Variants in ZEB1 observed in about 807,000 individuals in gnomAD.
ZEB1 encodes the protein zinc finger E-box-binding homeobox 1.
In ZEB1, 21 loss-of-function variants were observed where a neutral mutation model predicts 84.9. The ratio of observed to expected loss-of-function variants is 0.25; its 90% CI spans 0.18 to 0.36. The LOEUF is 0.36. Among genes scored for constraint, ZEB1 ranks in the 10% least tolerant of loss-of-function variants. ZEB1 has a pLI of 1.00. For missense variants in ZEB1, 1,104 were observed against 1,330.2 expected (o/e 0.83, Z 2.65); for synonymous variants, 420 against 471.1 (o/e 0.89, Z 1.41).
At chr10:31,491,724 A>G (rs1335122793) in intron 2 of ZEB1, among the ~76,000 whole-genome samples, 1 of 151,928 alleles carries the variant, frequency 6.6e-6, no homozygotes, top group Non-Finnish European at 1.5e-5. Context: ...TCAGTAGCAG[A>G]CATAAACAGT....
rs556309413 is a variant in ZEB1 at position 31,411,366 on chromosome 10, T to TCA, written c.59-49669_59-49668dup. On this transcript the variant is annotated intron_variant, in intron 1 of 8. Transcript: ENST00000424869. ...ATCTCTGGGACACAGTTAAAGCAGC[T>TCA]CACGCCTGTAATCCCAGCACTTTGG... 9.2e-5 allele frequency among the ~76,000 whole-genome samples: 14 copies of TCA among 152,236 alleles called. No individual in the cohort carries two copies. In the South Asian group the frequency reaches 2.9e-3, roughly 32 times the overall value.
intron 1 of ZEB1, among the ~76,000 whole-genome samples, chr10:31,442,465 A>G (rs1394928895): frequency 3.3e-5 from 5 of 152,136 alleles, no homozygotes; most frequent in Non-Finnish European, 5.9e-5. Flanking sequence ...GTAAATGACA[A>G]GTTAATGGGT....
At chr10:31,375,393 T>A (rs575768289) in intron 1 of ZEB1, among the ~76,000 whole-genome samples, 2 of 151,956 alleles carry the variant, frequency 1.3e-5, no homozygotes, top group East Asian at 3.9e-4. Flanking sequence ...TTCATTTTTC[T>A]TTGACAGCTC....
intron 2 of ZEB1, among the ~76,000 whole-genome samples, chr10:31,487,702 A>C (rs2065925293): frequency 6.6e-6 from 1 of 151,376 alleles, no homozygotes; most frequent in Admixed American, 6.6e-5. Context: ...GCTTTTTCTT[A>C]ATCTTGAGAA....
chr10:31,419,266 A>G (rs921301247), intron 1 of ZEB1, among the ~76,000 whole-genome samples: 1 of 152,144 alleles, frequency 6.6e-6, no homozygotes, highest in Non-Finnish European at 1.5e-5. Context: ...AGGCTGTAAC[A>G]TGCATGAATG....
At chr10:31,494,414 A>G (rs868069851) in intron 2 of ZEB1, among the ~76,000 whole-genome samples, 1 of 152,066 alleles carries the variant, frequency 6.6e-6, no homozygotes. Context: ...ATCTTCATGT[A>G]CTAGTATGAA....
chr10:31,413,006 C>T (rs1164976273), intron 1 of ZEB1, among the ~76,000 whole-genome samples: 1 of 152,022 alleles, frequency 6.6e-6, no homozygotes, highest in Non-Finnish European at 1.5e-5. Flanking sequence ...TTTTAAATGC[C>T]ATAGAATCGA....
intron 6 of ZEB1, among the ~76,000 whole-genome samples, chr10:31,517,500 TAA>T (rs56957641): frequency 1.6e-4 from 23 of 140,820 alleles, no homozygotes; most frequent in African/African-American, 3.3e-4. Flanking sequence ...CCTTAGCCAT[TAA>T]AAAAAAAAAA....
intron 1 of ZEB1, among the ~76,000 whole-genome samples, chr10:31,393,636 T>C (rs2050188778): frequency 6.6e-6 from 1 of 152,176 alleles, no homozygotes; most frequent in Non-Finnish European, 1.5e-5. Context: ...GTTCCTGGTT[T>C]TCGTGACATT....
chr10:31,481,269 A>G (rs549591154), intron 2 of ZEB1, among the ~76,000 whole-genome samples: 6 of 152,214 alleles, frequency 3.9e-5, no homozygotes, highest in Admixed American at 3.3e-4. Context: ...ACAGATAAAT[A>G]TGAAAATATA....
At chr10:31,440,566 G>T (rs902110040) in intron 1 of ZEB1, among the ~76,000 whole-genome samples, 10 of 152,134 alleles carry the variant, frequency 6.6e-5, no homozygotes, top group Non-Finnish European at 1.0e-4. Flanking sequence ...GGACAATCAG[G>T]CAGGAGAAGG....
chr10:31,334,026 T>C (rs1475619699), intron 1 of ZEB1, among the ~76,000 whole-genome samples: 1 of 152,042 alleles, frequency 6.6e-6, no homozygotes, highest in African/African-American at 2.4e-5. Flanking sequence ...TAATACACTT[T>C]CAAAATACAT....
chr10:31,376,020 TTA>T (rs1464055467), intron 1 of ZEB1, among the ~76,000 whole-genome samples: 9 of 151,712 alleles, frequency 5.9e-5, no homozygotes, highest in Non-Finnish European at 1.2e-4. Context: ...ATGTAAAACT[TTA>T]TGTGCAATAG....
chr10:31,395,948 G>T (rs2050636413), intron 1 of ZEB1, among the ~76,000 whole-genome samples: 1 of 152,142 alleles, frequency 6.6e-6, no homozygotes, highest in Non-Finnish European at 1.5e-5. Context: ...TGTCCATGGG[G>T]TGGAGAGGAA....
At chr10:31,342,925 T>C (rs897907957) in intron 1 of ZEB1, among the ~76,000 whole-genome samples, 1 of 152,186 alleles carries the variant, frequency 6.6e-6, no homozygotes, top group Non-Finnish European at 1.5e-5. Context: ...CAAGAAAAGC[T>C]ACCTCCTCCT....
At chr10:31,473,922 T>C (rs1176494919) in intron 2 of ZEB1, among the ~76,000 whole-genome samples, 2 of 151,782 alleles carry the variant, frequency 1.3e-5, no homozygotes, top group Non-Finnish European at 2.9e-5. Flanking sequence ...TACAACTATC[T>C]GATCTTTGAC....
chr10:31,526,985 GGAT>G lies in ZEB1; in HGVS notation c.3102_3104del (p.Asp1034del), dbSNP rs1565238270. Reference sequence around the variant, plus strand: ...AGAGAGAGAGTTTGACAAGGGAAGAGGATGAAGACAGTGAAAAAGAGGAAGAGG... The same window carrying G: ...AGAGAGAGAGTTTGACAAGGGAAGAGGAAGACAGTGAAAAAGAGGAAGAGG... On this transcript the variant is annotated inframe_deletion, in exon 9 of 9. Coordinates refer to ENST00000424869, the MANE Select transcript of ZEB1 (RefSeq NM_001174096.2). The G allele has an allele frequency of 6.2e-7, 1 of 1,611,934 alleles. No individual in the cohort carries two copies. The highest frequency in any genetic ancestry group is 8.5e-7 in the Non-Finnish European group (1 of 1,178,912).
At chr10:31,446,329 G>C (rs1197864251) in intron 1 of ZEB1, among the ~76,000 whole-genome samples, 2 of 152,008 alleles carry the variant, frequency 1.3e-5, no homozygotes, top group African/African-American at 4.8e-5. Context: ...CTTGCTAGTG[G>C]TCTATCAATT....
Position 31,520,997 on chromosome 10 carries a change from G to A in ZEB1, c.1665G>A (p.Gln555=). 2 of 1,614,058 alleles carry A rather than the reference G, an allele frequency of 1.2e-6. No individual in the cohort carries two copies. The highest frequency in any genetic ancestry group is 2.2e-5 in the South Asian group (2 of 91,084). ...AATTAAAGCACTATGACCTAAAGCA[G>A]CCTACTCAGCCTCCTCCACTCCCTG... ...LPELKHYDLK[Q]PTQPPPLPAA... Residue 555 remains glutamine, a synonymous_variant, in exon 7 of 9, where the codon CAG becomes CAA. Transcript: ENST00000424869. The surrounding 1 kb of genome is among the most constrained non-coding windows in gnomAD (Gnocchi z 5.1).
Sources: allele counts gnomAD v4.1 joint callset (sites outside exome capture counted in the v4.1 genomes callset), GRCh38; gene constraint gnomAD v4.1.1; non-coding constraint Gnocchi (gnomAD v3.1); transcripts MANE v1.5; gene names NCBI Gene and HGNC (gene_info 2026-07-23, HGNC 2026-07-21).